Variants in AK9 observed in about 807,000 individuals in gnomAD.
AK9 encodes adenylate kinase domain containing 1.
A neutral mutation model predicts 239.6 loss-of-function variants in AK9; 191 were observed. That is an observed-to-expected ratio of 0.80 (90% CI 0.71 to 0.90). The LOEUF is 0.90. Ranked by LOEUF, AK9 falls within the 40% of genes least tolerant of loss-of-function variation. AK9 has a pLI of 0.00. For synonymous variants in AK9, 689 were observed against 721.0 expected, an observed-to-expected ratio of 0.96 and a Z score of 0.71; for missense variants, 1,995 against 2,214.7, an observed-to-expected ratio of 0.90 and a Z score of 1.99.
At chr6:109,596,135 G>A (rs149850908) in intron 17 of AK9, among the ~76,000 whole-genome samples, 35 of 152,320 alleles carry the variant, frequency 2.3e-4, no homozygotes, top group Admixed American at 1.1e-3. Context: ...ATGCAGATGG[G>A]TATATGCTTT....
rs138375710 is a variant in AK9, at chr6:109,608,017, C to G, written c.1842+2348G>C. On this transcript the variant is annotated intron_variant, in intron 17 of 40. Coordinates refer to ENST00000424296, the MANE Select transcript of AK9 (RefSeq NM_001145128.3). ...AGGGCCAGGCATGGTGGATCACGCC[C>G]GTAATCCCAGCACTTTGGGAGGCCA... Among the ~76,000 whole-genome samples the G allele has an allele frequency of 1.3e-3, 191 of 151,630 alleles. 2 individuals are homozygous for G. The South Asian group carries it at 0.037, about 30-fold the overall frequency.
Position 109,544,133 on chromosome 6 carries a change from A to G in AK9, c.3225+1734T>C, listed in dbSNP as rs73523146. 8.2e-3 allele frequency among the ~76,000 whole-genome samples: 1,242 copies of G among 152,192 alleles called. 26 individuals carry two copies. The highest frequency in any genetic ancestry group is 0.027 in the African/African-American group (1,103 of 41,540). Reference sequence around the variant, plus strand: ...GATGCTGTCTCAAAAAGAAAAAAGAATATGTCTGATCAGGTACTTCATTAC... The same window carrying G: ...GATGCTGTCTCAAAAAGAAAAAAGAGTATGTCTGATCAGGTACTTCATTAC... On this transcript the variant is annotated intron_variant, in intron 26 of 40. Coordinates refer to ENST00000424296, the MANE Select transcript of AK9 (RefSeq NM_001145128.3).
chr6:109,535,423 C>T (rs935664018), intron 27 of AK9, among the ~76,000 whole-genome samples: 28 of 152,130 alleles, frequency 1.8e-4, no homozygotes, highest in African/African-American at 5.8e-4. Flanking sequence ...AGTGTCTGTT[C>T]GTATCCTTTG....
intron 27 of AK9, among the ~76,000 whole-genome samples, chr6:109,540,477 C>T (rs896148730): frequency 1.3e-5 from 2 of 152,156 alleles, no homozygotes; most frequent in African/African-American, 4.8e-5. Flanking sequence ...GTGGGAGTGA[C>T]CCGATTTTCC....
At chr6:109,541,989 T>C (rs1782956576) in intron 27 of AK9, 58 bp downstream of exon 27, 1 of 1,387,238 alleles carries the variant, frequency 7.2e-7, no homozygotes, top group Admixed American at 2.7e-5. Context: ...ATTTTTAACT[T>C]TTAAGAATAA....
rs1244404671 is a variant in AK9 at position 109,672,007 on chromosome 6, T to C, written c.243A>G (p.Ser81=). ...AETESGVMLQ[S]MLISGQSIPD... ...GAATGCTTTGACCGCTGATCAACAT[T>C]GATTGCAACTAAGGACAAGCATAGA... The change falls in exon 5 of 41, where the codon TCA becomes TCG. Residue 81 remains serine (S), a synonymous_variant. Coordinates refer to ENST00000424296, the MANE Select transcript of AK9 (RefSeq NM_001145128.3). 6.2e-7 allele frequency: 1 copy of C among 1,613,990 alleles called. No homozygotes were observed. Among genetic ancestry groups the C allele is most frequent in the Non-Finnish European group, 8.5e-7 (1 of 1,179,914 alleles).
chr6:109,639,664 T>G (rs1797154845), intron 10 of AK9, among the ~76,000 whole-genome samples: 1 of 152,228 alleles, frequency 6.6e-6, no homozygotes, highest in African/African-American at 2.4e-5. Context: ...TAGATCCTAT[T>G]TGTCTACTTT....
At chr6:109,683,125 T>G (rs1187333737) in intron 1 of AK9, among the ~76,000 whole-genome samples, 1 of 152,116 alleles carries the variant, frequency 6.6e-6, no homozygotes, top group Admixed American at 6.5e-5. Flanking sequence ...ATCCATCACA[T>G]AAATAGAACC....
Position 109,610,382 on chromosome 6 carries a change from G to A in AK9, c.1825C>T (p.Gln609Ter). ...TTTTTTACCTCTCCAAGGACTTCCT[G>A]TAAGATTTCAGCATGTTTTTCATAT... ...QPYEKHAEIL[Q>*]EVLGEVMEEN... The change falls in exon 17 of 41, where the codon CAG becomes TAG. Residue 609 changes from glutamine (Q) to a stop codon, truncating the protein, a stop_gained. Coordinates refer to ENST00000424296, the MANE Select transcript of AK9 (RefSeq NM_001145128.3). LOFTEE classifies it high-confidence loss of function. 4 of 1,551,544 alleles carry A rather than the reference G, an allele frequency of 2.6e-6. No individual in the cohort carries two copies. The highest frequency in any genetic ancestry group is 1.2e-5 in the South Asian group (1 of 84,050).
At chr6:109,551,617 G>A (rs1372460929) in intron 24 of AK9, among the ~76,000 whole-genome samples, 1 of 151,808 alleles carries the variant, frequency 6.6e-6, no homozygotes, top group Non-Finnish European at 1.5e-5. Context: ...ATCAATGAAG[G>A]TGTATGTAAG....
At chr6:109,618,948 T>A in intron 13 of AK9, 144 bp downstream of exon 13, 1 of 883,826 alleles carries the variant, frequency 1.1e-6, no homozygotes. Context: ...TTTATGTACA[T>A]CCATTCTTCA....
chr6:109,645,017 T>C (rs762228486), intron 8 of AK9, among the ~76,000 whole-genome samples: 2 of 152,240 alleles, frequency 1.3e-5, no homozygotes, highest in African/African-American at 4.8e-5. Flanking sequence ...AAGCATCTGA[T>C]TAAACTTTAA....
chr6:109,528,780 G>C (rs1323386267), intron 29 of AK9: 4 of 640,138 alleles, frequency 6.2e-6, no homozygotes, highest in Non-Finnish European at 1.1e-5. Context: ...ATGGAAATCA[G>C]GTTACAAGAG....
chr6:109,682,979 C>T (rs1772903786), intron 1 of AK9, among the ~76,000 whole-genome samples: 1 of 152,178 alleles, frequency 6.6e-6, no homozygotes, highest in Non-Finnish European at 1.5e-5. Flanking sequence ...CCCTGATGAA[C>T]ATCAATGCAA....
chr6:109,502,957 ATGTGTGTG>A (rs58542655), intron 35 of AK9, among the ~76,000 whole-genome samples: 17 of 145,402 alleles, frequency 1.2e-4, no homozygotes, highest in African/African-American at 4.3e-4. Context: ...CAGGAACGGT[ATGTGTGTG>A]TGTGTGTGTG....
chr6:109,558,564 CTT>C (rs1785305054), intron 24 of AK9, among the ~76,000 whole-genome samples: 1 of 152,132 alleles, frequency 6.6e-6, no homozygotes, highest in African/African-American at 2.4e-5. Flanking sequence ...TCTGGACTCT[CTT>C]GTGTTCTATT....
At chr6:109,521,757 A>T (rs1045094176) in intron 29 of AK9, among the ~76,000 whole-genome samples, 1 of 152,106 alleles carries the variant, frequency 6.6e-6, no homozygotes, top group Non-Finnish European at 1.5e-5. Flanking sequence ...TATTCTAAGT[A>T]GAATGTTTCT....
rs190933285 is a variant in AK9, at chr6:109,592,261, A to G, written c.1843-6189T>C. 4.4e-3 allele frequency among the ~76,000 whole-genome samples: 665 copies of G among 152,306 alleles called. 10 individuals carry two copies. Among genetic ancestry groups the G allele is most frequent in the Admixed American group, 0.04 (617 of 15,304 alleles). On this transcript the variant is annotated intron_variant, in intron 17 of 40. Coordinates refer to ENST00000424296, the MANE Select transcript of AK9 (RefSeq NM_001145128.3). The stretch of plus-strand genomic sequence containing the variant: ...CTATACTACAGCAAAACACAATAAT[A>G]ATAATAAAAGCGAGGTATTTCATGG...
chr6:109,678,142 C>G (rs1201406155), intron 1 of AK9, among the ~76,000 whole-genome samples: 2 of 152,102 alleles, frequency 1.3e-5, no homozygotes, highest in Non-Finnish European at 2.9e-5. Context: ...TCAAAATAGT[C>G]AAAAGCTGAA....
Sources: gnomAD v4.1 joint callset for allele counts (sites outside exome capture counted in the v4.1 genomes callset) on GRCh38, gnomAD v4.1.1 for gene constraint, MANE v1.5 for transcripts, NCBI Gene and HGNC (gene_info 2026-07-23, HGNC 2026-07-21) for gene names.